Variants in MTUS2 observed in about 807,000 individuals in gnomAD.
MTUS2 encodes the protein microtubule-associated tumor suppressor candidate 2.
Under a neutral mutation model 114.1 loss-of-function variants are expected in MTUS2, and 40 were observed. The ratio of observed to expected loss-of-function variants is 0.35; its 90% CI spans 0.27 to 0.46. The LOEUF (loss-of-function observed/expected upper bound fraction) is 0.46. MTUS2 is among the 20% of genes least tolerant of loss of function. The pLI is 1.00. For missense variants in MTUS2, 1,679 were observed against 1,705.4 expected (o/e 0.98, Z 0.27); for synonymous variants, 688 against 672.0 (o/e 1.02, Z -0.37).
intron 8 of MTUS2, among the ~76,000 whole-genome samples, chr13:29,418,960 G>A (rs982539791): frequency 6.6e-6 from 1 of 152,180 alleles, no homozygotes. Flanking sequence ...GTTTCAGCCA[G>A]CCAAACTGTT....
intron 8 of MTUS2, among the ~76,000 whole-genome samples, chr13:29,393,171 GA>G (rs1267068101): frequency 1.6e-4 from 25 of 152,174 alleles, no homozygotes; most frequent in East Asian, 3.9e-4. Context: ...AGCCTCCAGA[GA>G]CCTCTGTTAT....
chr13:29,119,532 A>G (rs1359946767), intron 5 of MTUS2, among the ~76,000 whole-genome samples: 1 of 152,218 alleles, frequency 6.6e-6, no homozygotes, highest in East Asian at 1.9e-4. Flanking sequence ...GTTAAGCATT[A>G]TAAGTTTGAT....
At chr13:29,381,725 T>C (rs1162946396) in intron 8 of MTUS2, among the ~76,000 whole-genome samples, 1 of 152,012 alleles carries the variant, frequency 6.6e-6, no homozygotes, top group African/African-American at 2.4e-5. Context: ...AATGATACGA[T>C]CAAGTGAGAA....
chr13:28,944,060 A>G (rs140945783), intron 2 of MTUS2, among the ~76,000 whole-genome samples: 164 of 152,212 alleles, frequency 1.1e-3, no homozygotes, highest in African/African-American at 3.8e-3. Flanking sequence ...TAGAATTTCT[A>G]AGCATAGAAG....
chr13:29,105,218 C>T (rs1890603989), intron 5 of MTUS2, among the ~76,000 whole-genome samples: 1 of 152,164 alleles, frequency 6.6e-6, no homozygotes, highest in Admixed American at 6.5e-5. Flanking sequence ...GATACTCAAC[C>T]TGTACTTCGT....
rs148730181 is a variant in MTUS2, at chr13:29,245,323, A to G, written c.2645-36381A>G. On this transcript the variant is annotated intron_variant, in intron 5 of 15. Transcript: ENST00000612955. ...CTCCATAGTATTTAGGCCATGGAAC[A>G]GGTGGCATTTTCCACCAGAGAAATC... Among the ~76,000 whole-genome samples the G allele has an allele frequency of 3.9e-5, 6 of 152,314 alleles. No homozygotes were observed. The East Asian group carries it at 7.7e-4, about 20-fold the overall frequency.
chr13:29,185,765 A>G (rs1246693515), intron 5 of MTUS2, among the ~76,000 whole-genome samples: 1 of 152,260 alleles, frequency 6.6e-6, no homozygotes, highest in Non-Finnish European at 1.5e-5. Flanking sequence ...TATTTCGTAC[A>G]AGAAATATTA....
At chr13:29,201,977 G>A (rs2139241814) in intron 5 of MTUS2, among the ~76,000 whole-genome samples, 1 of 152,230 alleles carries the variant, frequency 6.6e-6, no homozygotes, top group African/African-American at 2.4e-5. Flanking sequence ...TGACGATTAT[G>A]TGTCTTGGGG....
intron 2 of MTUS2, among the ~76,000 whole-genome samples, chr13:28,911,845 G>GTTTTTTTTTTTTTTTTTTTTTTTATTT (rs202187530): frequency 9.6e-5 from 10 of 103,822 alleles, no homozygotes; most frequent in East Asian, 3.0e-4. Flanking sequence ...ACTTTTTAAT[G>GTTTTTTTTTTTTTTTTTTTTTTTATTT]TTTTTTTTTT....
In MTUS2 at chr13:28,867,791, C is replaced by T. The variant is rs114603325; in HGVS notation, c.-243+27941C>T. Among the ~76,000 whole-genome samples the T allele has an allele frequency of 2.1e-3, 314 of 152,308 alleles. 2 individuals carry two copies. Among genetic ancestry groups the T allele is most frequent in the African/African-American group, 7.3e-3 (305 of 41,572 alleles). On this transcript the variant is annotated intron_variant, in intron 2 of 15. Transcript: ENST00000612955. ...CCTGCATCCCGTGCCTACTGTTTGC[C>T]AAGTGGCTGACTGTTGCAGCTCCTG...
chr13:29,206,377 T>C (rs1895185342), intron 5 of MTUS2, among the ~76,000 whole-genome samples: 1 of 152,196 alleles, frequency 6.6e-6, no homozygotes, highest in Non-Finnish European at 1.5e-5. Context: ...CTCTGCTGAT[T>C]ATTGCTTTTA....
intron 8 of MTUS2, among the ~76,000 whole-genome samples, chr13:29,376,012 TG>T (rs1871699844): frequency 2.4e-5 from 2 of 84,566 alleles, no homozygotes; most frequent in Admixed American, 3.1e-4. Context: ...TGTGTGTGTG[TG>T]TATGTATGTG....
rs181451686 is a variant in MTUS2, at chr13:28,874,334, A to T, written c.-243+34484A>T. On this transcript the variant is annotated intron_variant, in intron 2 of 15. Coordinates refer to ENST00000612955, the MANE Select transcript of MTUS2 (RefSeq NM_001033602.4). ...CATTTTTAGCCATCTTTCAAGATAA[A>T]CTATTCAATTTATTTAATTCAGTAT... Among the ~76,000 whole-genome samples the T allele has an allele frequency of 5.8e-3, 877 of 152,290 alleles. 4 individuals are homozygous for T. Among genetic ancestry groups the T allele is most frequent in the Non-Finnish European group, 0.01 (713 of 68,036 alleles).
In MTUS2 at chr13:29,106,018, A is replaced by G. The variant is rs753772997; in HGVS notation, c.2644+5048A>G. Among the ~76,000 whole-genome samples, 115 of 152,202 alleles carry G rather than the reference A, an allele frequency of 7.6e-4. 2 individuals are homozygous for G. The highest frequency in any genetic ancestry group is 3.4e-3 in the Middle Eastern group (1 of 294). On this transcript the variant is annotated intron_variant, in intron 5 of 15. Coordinates refer to ENST00000612955, the MANE Select transcript of MTUS2 (RefSeq NM_001033602.4). ...TGTCTCCTGGGTGCTAAGCCTACAT[A>G]TTTGAGCTCCCCAAGATTTGTTCTC...
chr13:28,846,742 T>A (rs1875910908), intron 2 of MTUS2, among the ~76,000 whole-genome samples: 2 of 152,214 alleles, frequency 1.3e-5, no homozygotes, highest in African/African-American at 4.8e-5. Context: ...TAGAAGAGGG[T>A]ATCAGGACTC....
At chr13:29,132,767 G>A (rs759207369) in intron 5 of MTUS2, among the ~76,000 whole-genome samples, 2 of 152,172 alleles carry the variant, frequency 1.3e-5, no homozygotes, top group Admixed American at 6.5e-5. Context: ...TGGACATTTT[G>A]GTTGCTTCCA....
At chr13:29,417,800 G>GA (rs1246024067) in intron 8 of MTUS2, among the ~76,000 whole-genome samples, 3 of 151,838 alleles carry the variant, frequency 2.0e-5, no homozygotes, top group Non-Finnish European at 4.4e-5. Flanking sequence ...TATTTTCTTG[G>GA]AAAAAAATTT....
chr13:29,084,923 C>T (rs1209911065), intron 4 of MTUS2, among the ~76,000 whole-genome samples: 1 of 152,154 alleles, frequency 6.6e-6, no homozygotes, highest in Non-Finnish European at 1.5e-5. Flanking sequence ...CCCTCCAGAT[C>T]TCATGTTAAT....
chr13:28,908,750 C>T (rs1474444805), intron 2 of MTUS2, among the ~76,000 whole-genome samples: 1 of 151,566 alleles, frequency 6.6e-6, no homozygotes, highest in East Asian at 1.9e-4. Context: ...TCGTTTTAGA[C>T]ATGAGTCCTT....
Sources: gnomAD v4.1 joint callset for allele counts (sites outside exome capture counted in the v4.1 genomes callset) on GRCh38, gnomAD v4.1.1 for gene constraint, MANE v1.5 for transcripts, NCBI Gene and HGNC (gene_info 2026-07-23, HGNC 2026-07-21) for gene names.